Variants in WDPCP observed in about 807,000 individuals in gnomAD.
WDPCP encodes WD repeat containing planar cell polarity effector, also known as WD repeat-containing and planar cell polarity effector protein fritz homolog.
In WDPCP, 71 loss-of-function variants were observed where a neutral mutation model predicts 93.1. The observed-to-expected ratio is 0.76, with a 90% CI of 0.63 to 0.93. The LOEUF (loss-of-function observed/expected upper bound fraction) is 0.93. Ranked by LOEUF, WDPCP falls within the 40% of genes least tolerant of loss-of-function variation. The pLI, the probability that WDPCP is intolerant of heterozygous loss-of-function variation, is 0.00. For missense variants in WDPCP, 844 were observed against 887.4 expected (o/e 0.95, Z 0.62); for synonymous variants, 315 against 315.0 (o/e 1.00, Z 0.00).
Position 63,742,028 on chromosome 2 carries a change from A to T in WDPCP, n.308+71594T>A, listed in dbSNP as rs184644481. On this transcript the variant is annotated intron_variant and non_coding_transcript_variant, in intron 2 of 4. Transcript: ENST00000467687. ...ATAAATTTTTTCTCACATGTCAGGC[A>T]TATTTTAGAGATCTCAATCATGTGT... is the stretch of plus-strand genomic sequence containing the variant. Among the ~76,000 whole-genome samples, 6 of 152,238 alleles carry T rather than the reference A, an allele frequency of 3.9e-5. No homozygotes were observed. The East Asian group carries it at 1.2e-3, about 29-fold the overall frequency.
At chr2:63,538,613 T>G (rs1704488116) in intron 1 of WDPCP, among the ~76,000 whole-genome samples, 1 of 152,188 alleles carries the variant, frequency 6.6e-6, no homozygotes, top group South Asian at 2.1e-4. Context: ...ATTGCATCAT[T>G]CTGTATATTT....
intron 2 of WDPCP, among the ~76,000 whole-genome samples, chr2:63,721,945 G>C (rs999228334): frequency 6.6e-6 from 1 of 150,480 alleles, no homozygotes; most frequent in Admixed American, 6.6e-5. Flanking sequence ...TGGCCAGGCC[G>C]GTCTCCAGCC....
chr2:63,217,760 C>G (rs1677473560), intron 14 of WDPCP, among the ~76,000 whole-genome samples: 1 of 152,160 alleles, frequency 6.6e-6, no homozygotes, highest in South Asian at 2.1e-4. Context: ...GAACTATTAG[C>G]TTTCTCTTTC....
At chr2:63,704,747 G>A (rs1669121095) in intron 2 of WDPCP, among the ~76,000 whole-genome samples, 1 of 152,190 alleles carries the variant, frequency 6.6e-6, no homozygotes, top group South Asian at 2.1e-4. Flanking sequence ...AAGGATATTG[G>A]TCTAAAATGC....
chr2:63,189,995 G>C (rs1428571804), intron 14 of WDPCP, among the ~76,000 whole-genome samples: 1 of 152,094 alleles, frequency 6.6e-6, no homozygotes, highest in Non-Finnish European at 1.5e-5. Flanking sequence ...TTTATTGAAG[G>C]TCTATTTTGT....
At chr2:63,424,729 CGTGGGCTGGT>C (rs1315226268) in intron 9 of WDPCP, among the ~76,000 whole-genome samples, 1 of 152,136 alleles carries the variant, frequency 6.6e-6, no homozygotes, top group Admixed American at 6.5e-5. Context: ...CATGGGTATT[CGTGGGCTGGT>C]GTGGGCCTGG....
At chr2:63,152,994 A>G in intron 16 of WDPCP, 49 bp from the exon 17 acceptor site, 1 of 1,551,468 alleles carries the variant, frequency 6.4e-7, no homozygotes, top group Non-Finnish European at 8.8e-7. Flanking sequence ...CTAATAATGG[A>G]CCTTAAGAAA....
At chr2:63,584,308 T>A (rs919115597) in intron 1 of WDPCP, among the ~76,000 whole-genome samples, 4 of 152,208 alleles carry the variant, frequency 2.6e-5, no homozygotes, top group African/African-American at 7.2e-5. Context: ...CCTCTGCTCT[T>A]ATTTATGGTT....
intron 1 of WDPCP, among the ~76,000 whole-genome samples, chr2:63,529,280 C>T (rs549517618): frequency 2.0e-5 from 3 of 152,250 alleles, no homozygotes; most frequent in African/African-American, 7.2e-5. Flanking sequence ...AGAGGGCATC[C>T]CTGTCTTGTG....
chr2:63,710,592 TA>T (rs1436958225), intron 2 of WDPCP, among the ~76,000 whole-genome samples: 1 of 152,130 alleles, frequency 6.6e-6, no homozygotes, highest in African/African-American at 2.4e-5. Flanking sequence ...TCTCTGTAAC[TA>T]AGAAATAATA....
At chr2:63,772,308 T>C (rs1670241013) in intron 2 of WDPCP, among the ~76,000 whole-genome samples, 1 of 152,074 alleles carries the variant, frequency 6.6e-6, no homozygotes. Flanking sequence ...TTTTTCATGT[T>C]TGTTGGTCGC....
At chr2:63,572,455 G>A (rs1575673908) in intron 1 of WDPCP, among the ~76,000 whole-genome samples, 1 of 151,644 alleles carries the variant, frequency 6.6e-6, no homozygotes, top group Non-Finnish European at 1.5e-5. Context: ...ATAATCCCAG[G>A]ACTTTGGGAG....
intron 7 of WDPCP, 151 bp from the exon 8 acceptor site, chr2:63,437,705 T>A: frequency 9.6e-7 from 1 of 1,046,514 alleles, no homozygotes; most frequent in Non-Finnish European, 1.3e-6. Context: ...ATAAAAATAT[T>A]AAAGATATTA....
intron 15 of WDPCP, among the ~76,000 whole-genome samples, chr2:63,174,011 T>C (rs1366582901): frequency 6.6e-6 from 1 of 152,218 alleles, no homozygotes; most frequent in African/African-American, 2.4e-5. Flanking sequence ...TTATATATTG[T>C]CTGTGGCCAC....
chr2:63,505,869 T>A (rs976700669), intron 1 of WDPCP, among the ~76,000 whole-genome samples: 1 of 152,168 alleles, frequency 6.6e-6, no homozygotes, highest in Admixed American at 6.5e-5. Flanking sequence ...AAAGAACTTG[T>A]TCTTGAGGAT....
chr2:63,733,566 A>T (rs1669595495), intron 2 of WDPCP, among the ~76,000 whole-genome samples: 1 of 152,202 alleles, frequency 6.6e-6, no homozygotes, highest in South Asian at 2.1e-4. Context: ...GTCCAGGCAA[A>T]GAGGGCAGAA....
chr2:63,232,197 C>G (rs1380704113), intron 14 of WDPCP, among the ~76,000 whole-genome samples: 2 of 152,156 alleles, frequency 1.3e-5, no homozygotes, highest in African/African-American at 4.8e-5. Context: ...GGATTAAAGA[C>G]TTAAATGTTA....
intron 1 of WDPCP, among the ~76,000 whole-genome samples, chr2:63,564,802 G>T (rs1222300598): frequency 1.5e-5 from 2 of 136,224 alleles, no homozygotes; most frequent in African/African-American, 5.6e-5. Flanking sequence ...TTTTGAGACA[G>T]AGTCTTGCTC....
intron 2 of WDPCP, among the ~76,000 whole-genome samples, chr2:63,684,904 AT>A (rs1261852444): frequency 1.4e-4 from 21 of 152,314 alleles, no homozygotes; most frequent in African/African-American, 4.1e-4. Context: ...TAAGAAGGAA[AT>A]TTTAAAAATG....
Sources: gnomAD v4.1 joint callset for allele counts (sites outside exome capture counted in the v4.1 genomes callset) on GRCh38, gnomAD v4.1.1 for gene constraint, MANE v1.5 for transcripts, NCBI Gene and HGNC (gene_info 2026-07-23, HGNC 2026-07-21) for gene names.